DCC: variants seen among roughly 807,000 people sequenced by gnomAD.
The protein encoded by DCC is netrin receptor DCC.
In DCC, 58 loss-of-function variants were observed where a neutral mutation model predicts 172.5. The observed-to-expected ratio is 0.34, with a 90% CI of 0.27 to 0.42. The LOEUF (loss-of-function observed/expected upper bound fraction) is 0.42, where lower values mean the gene tolerates loss of function less well. Ranked by LOEUF, DCC falls within the 10% of genes least tolerant of loss-of-function variation. DCC has a pLI of 1.00. For synonymous variants in DCC, 709 were observed against 644.5 expected (o/e 1.10, Z -1.52); for missense variants, 1,740 against 1,791.0 (o/e 0.97, Z 0.51).
chr18:52,672,601 G>GTCCTCCCT (rs977259892), intron 1 of DCC, among the ~76,000 whole-genome samples: 2 of 139,572 alleles, frequency 1.4e-5, no homozygotes, highest in South Asian at 4.5e-4. Context: ...TTCCTAATTC[G>GTCCTCCCT]TCCTCCCTTC....
intron 2 of DCC, among the ~76,000 whole-genome samples, chr18:52,762,309 A>G (rs1599084251): frequency 6.6e-6 from 1 of 152,034 alleles, no homozygotes; most frequent in East Asian, 2.0e-4. Context: ...CACTGTCTCT[A>G]CAAAAAAATA....
At chr18:53,372,255 G>T (rs886832001) in intron 15 of DCC, among the ~76,000 whole-genome samples, 1 of 152,022 alleles carries the variant, frequency 6.6e-6, no homozygotes, top group African/African-American at 2.4e-5. Flanking sequence ...AGAAAATGTG[G>T]TACATATACA....
chr18:53,473,034 G>A (rs1196408377), intron 25 of DCC, among the ~76,000 whole-genome samples: 1 of 152,056 alleles, frequency 6.6e-6, no homozygotes, highest in Non-Finnish European at 1.5e-5. Flanking sequence ...AAATGACTCA[G>A]TGGATAGCTC....
chr18:52,719,234 A>G (rs1437747366), intron 1 of DCC, among the ~76,000 whole-genome samples: 1 of 152,136 alleles, frequency 6.6e-6, no homozygotes, highest in Admixed American at 6.5e-5. Flanking sequence ...ATGTTTGTGA[A>G]GACCTTATCT....
Position 52,925,397 on chromosome 18 carries a change from A to G in DCC, c.985+27A>G, listed in dbSNP as rs752256756. 6.5e-5 allele frequency: 105 copies of G among 1,606,976 alleles called. No individual in the cohort carries two copies. The South Asian group carries it at 1.1e-3, about 17-fold the overall frequency. On this transcript the variant is annotated intron_variant, in intron 5 of 28. Coordinates refer to ENST00000442544, the MANE Select transcript of DCC (RefSeq NM_005215.4). ...TAAGTTAGTGGCTGGAGATGAGTTT[A>G]TATTGTACCTTTCAAAGTATATCAC...
intron 7 of DCC, among the ~76,000 whole-genome samples, chr18:53,123,775 C>G (rs1200441647): frequency 6.6e-6 from 1 of 152,056 alleles, no homozygotes; most frequent in East Asian, 1.9e-4. Flanking sequence ...CTTCATCTCT[C>G]CCCTCTGTGA....
intron 1 of DCC, among the ~76,000 whole-genome samples, chr18:52,740,561 A>T (rs368530973): frequency 2.0e-5 from 3 of 152,166 alleles, no homozygotes; most frequent in African/African-American, 7.2e-5. Context: ...GGTTTGCTGA[A>T]TTTTTAAGGT....
At chr18:53,115,622 A>G (rs2043397952) in intron 7 of DCC, among the ~76,000 whole-genome samples, 1 of 151,658 alleles carries the variant, frequency 6.6e-6, no homozygotes, top group African/African-American at 2.4e-5. Flanking sequence ...CATTTTCTTA[A>G]TGAAGGTAAC....
intron 1 of DCC, among the ~76,000 whole-genome samples, chr18:52,438,266 G>A (rs1987861134): frequency 6.6e-6 from 1 of 152,144 alleles, no homozygotes; most frequent in African/African-American, 2.4e-5. Context: ...TTTGAGATGT[G>A]CAAAAGCATT....
chr18:52,891,991 C>T (rs974073314), intron 2 of DCC, among the ~76,000 whole-genome samples: 1 of 152,046 alleles, frequency 6.6e-6, no homozygotes. Flanking sequence ...AATAACATCT[C>T]AGTGTGGTTG....
intron 1 of DCC, among the ~76,000 whole-genome samples, chr18:52,473,280 G>T (rs1465865148): frequency 6.6e-6 from 1 of 152,106 alleles, no homozygotes; most frequent in African/African-American, 2.4e-5. Flanking sequence ...GGAAAAGCAG[G>T]ACAAAGTGGC....
At chr18:52,373,888 A>ATTTTTTTTTT in intron 1 of DCC, among the ~76,000 whole-genome samples, 1 of 127,320 alleles carries the variant, frequency 7.9e-6, no homozygotes, top group Non-Finnish European at 1.6e-5. Context: ...TGGTTGCATC[A>ATTTTTTTTTT]TTTTTTTTTT....
chr18:53,087,453 G>GTT (rs1376910441), intron 7 of DCC, among the ~76,000 whole-genome samples: 1 of 151,154 alleles, frequency 6.6e-6, no homozygotes, highest in East Asian at 1.9e-4. Flanking sequence ...GGGGTTGTTT[G>GTT]TTTTTTTCTT....
intron 1 of DCC, among the ~76,000 whole-genome samples, chr18:52,551,727 TACACACAC>T (rs74178673): frequency 6.3e-5 from 8 of 126,344 alleles, no homozygotes; most frequent in South Asian, 2.7e-4. Flanking sequence ...TACTCTCCTC[TACACACAC>T]ACACACACAC....
chr18:52,967,948 A>C (rs2040962698), intron 5 of DCC, among the ~76,000 whole-genome samples: 1 of 152,120 alleles, frequency 6.6e-6, no homozygotes, highest in Non-Finnish European at 1.5e-5. Flanking sequence ...GAGATTTTAG[A>C]CGCATTAAAA....
rs59898050 is a variant in DCC, at chr18:53,090,698, C to CAAAAAAAAAAAAAAAA, written c.1261+24553_1261+24568dup. 6.8e-3 allele frequency among the ~76,000 whole-genome samples: 268 copies of CAAAAAAAAAAAAAAAA among 39,346 alleles called. 46 individuals are homozygous for CAAAAAAAAAAAAAAAA. Among genetic ancestry groups the CAAAAAAAAAAAAAAAA allele is most frequent in the Non-Finnish European group, 0.01 (184 of 18,212 alleles). The allele number at this position is 39,346 out of a possible 152,430, so 25.8% of individuals were successfully genotyped here. On this transcript the variant is annotated intron_variant, in intron 7 of 28. Coordinates refer to ENST00000442544, the MANE Select transcript of DCC (RefSeq NM_005215.4). ...GACAGAGCGAAACTCCGTCCCCCAA[C>CAAAAAAAAAAAAAAAA]AAAAAAAAAAAAAAAAAAAAAAAAA...
At chr18:52,998,065 C>T (rs1599013251) in intron 5 of DCC, among the ~76,000 whole-genome samples, 1 of 151,888 alleles carries the variant, frequency 6.6e-6, no homozygotes, top group Admixed American at 6.6e-5. Flanking sequence ...AATGCAGTAG[C>T]CGTTATCTGC....
At chr18:52,601,362 CCT>C (rs1491373614) in intron 1 of DCC, among the ~76,000 whole-genome samples, 3 of 151,258 alleles carry the variant, frequency 2.0e-5, no homozygotes, top group East Asian at 1.9e-4. Flanking sequence ...TTTTTTTTCC[CCT>C]GTTTTGAAGT....
At chr18:53,159,216 G>T (rs555027068) in intron 8 of DCC, among the ~76,000 whole-genome samples, 1 of 152,028 alleles carries the variant, frequency 6.6e-6, no homozygotes, top group Non-Finnish European at 1.5e-5. Flanking sequence ...ATTTCCTGGA[G>T]GTACCTTAAA....
Sources: allele counts gnomAD v4.1 joint callset (sites outside exome capture counted in the v4.1 genomes callset), GRCh38; gene constraint gnomAD v4.1.1; transcripts MANE v1.5; gene names NCBI Gene and HGNC (gene_info 2026-07-23, HGNC 2026-07-21).